The following ADARB2 variants were observed in gnomAD, a reference collection of about 807,000 sequenced individuals.
ADARB2 encodes the protein adenosine deaminase RNA specific B2 (inactive).
In ADARB2, 25 loss-of-function variants were observed where a neutral mutation model predicts 62.2. The observed-to-expected ratio is 0.40, with a 90% CI of 0.29 to 0.56. The LOEUF is 0.56. ADARB2 is among the 20% of genes least tolerant of loss of function. ADARB2 has a pLI of 0.43. For synonymous variants in ADARB2, 572 were observed against 500.8 expected (o/e 1.14, Z -1.90); for missense variants, 1,071 against 1,077.4 (o/e 0.99, Z 0.08).
intron 3 of ADARB2, among the ~76,000 whole-genome samples, chr10:1,348,418 C>T (rs934329439): frequency 8.5e-5 from 13 of 152,134 alleles, no homozygotes; most frequent in African/African-American, 2.2e-4. Flanking sequence ...TGTCAGGCGA[C>T]GCCTGAGCCC....
At position 1,532,974 on chromosome 10, in the gene ADARB2, G is replaced by A. The variant is rs188338735; in HGVS notation, c.101-153814C>T. Among the ~76,000 whole-genome samples the A allele has an allele frequency of 1.1e-4, 17 of 152,282 alleles. No individual in the cohort carries two copies. In the East Asian group the frequency reaches 3.3e-3, roughly 29 times the overall value. ...GACCCTGCCCTGAAATGAAGGGGAG[G>A]AACCGCATCCTGTGTGTTACTCCAG... On this transcript the variant is annotated intron_variant, in intron 1 of 9. Transcript: ENST00000381312.
At position 1,737,159 on chromosome 10, in the gene ADARB2, C is replaced by A. The variant is rs368491065; in HGVS notation, c.-9G>T. On this transcript the variant is annotated 5_prime_UTR_variant, in exon 1 of 10. Transcript: ENST00000381312. The stretch of plus-strand genomic sequence containing the variant: ...CCCAGGACCGAGGCCATGGCCGAGA[C>A]CCAGGCGCGGAGCCCAGAGCCGCCT... 206 of 1,604,592 alleles carry A rather than the reference C, an allele frequency of 1.3e-4. No individual in the cohort carries two copies. Among genetic ancestry groups the A allele is most frequent in the Non-Finnish European group, 1.7e-4 (201 of 1,179,784 alleles).
At chr10:1,520,027 G>A (rs978089098) in intron 1 of ADARB2, among the ~76,000 whole-genome samples, 4 of 152,188 alleles carry the variant, frequency 2.6e-5, no homozygotes, top group Non-Finnish European at 5.9e-5. Flanking sequence ...CTTCAGAAGA[G>A]GCTCTACTGA....
intron 4 of ADARB2, among the ~76,000 whole-genome samples, chr10:1,249,173 G>A (rs1257538141): frequency 6.6e-6 from 1 of 152,212 alleles, no homozygotes; most frequent in Non-Finnish European, 1.5e-5. Context: ...GGCACACAGT[G>A]GTTCACACCT....
chr10:1,183,691 G>T (rs1030334409), intron 9 of ADARB2, among the ~76,000 whole-genome samples: 2 of 152,224 alleles, frequency 1.3e-5, no homozygotes, highest in Non-Finnish European at 2.9e-5. Context: ...CATCACAGTG[G>T]GCAGGGAGCA....
At chr10:1,659,004 C>A (rs761831318) in intron 1 of ADARB2, among the ~76,000 whole-genome samples, 1 of 152,220 alleles carries the variant, frequency 6.6e-6, no homozygotes, top group Non-Finnish European at 1.5e-5. Context: ...TTGTGGTTAA[C>A]ATAAGCACTA....
Position 1,183,265 on chromosome 10 carries a change from G to A in ADARB2, c.2148C>T (p.Ala716=). 1 of 1,614,164 alleles carries A rather than the reference G, an allele frequency of 6.2e-7. No homozygotes were observed. Among genetic ancestry groups the A allele is most frequent in the Non-Finnish European group, 8.5e-7 (1 of 1,180,034 alleles). ...AGGTGCCCAGGCCAGCCTTCTGAAAGGCCTTGAACAGCTGCTGTTTCACAG... is the reference window on the plus strand; with the variant it reads ...AGGTGCCCAGGCCAGCCTTCTGAAAAGCCTTGAACAGCTGCTGTTTCACAG... ...YQSVKQQLFK[A]FQKAGLGTWV... The change falls in exon 10 of 10, where the codon GCC becomes GCT. Residue 716 remains alanine (A), a synonymous_variant. Coordinates refer to ENST00000381312, the MANE Select transcript of ADARB2 (RefSeq NM_018702.4).
intron 1 of ADARB2, among the ~76,000 whole-genome samples, chr10:1,594,302 A>G (rs1470664026): frequency 6.6e-6 from 1 of 152,118 alleles, no homozygotes; most frequent in African/African-American, 2.4e-5. Flanking sequence ...AAAGAAAATC[A>G]AAAAACAAAC....
At chr10:1,287,538 A>G (rs1831425257) in intron 3 of ADARB2, among the ~76,000 whole-genome samples, 1 of 152,178 alleles carries the variant, frequency 6.6e-6, no homozygotes, top group Non-Finnish European at 1.5e-5. Context: ...AGCCCCTGGT[A>G]ACTGCCTTTC....
intron 8 of ADARB2, among the ~76,000 whole-genome samples, chr10:1,191,430 A>G (rs1836844286): frequency 2.6e-5 from 4 of 152,146 alleles, no homozygotes; most frequent in Non-Finnish European, 5.9e-5. Context: ...GGGTGAGGAA[A>G]AAAGGTGTCC....
chr10:1,614,536 T>C (rs972561704), intron 1 of ADARB2, among the ~76,000 whole-genome samples: 9 of 152,186 alleles, frequency 5.9e-5, no homozygotes, highest in African/African-American at 2.2e-4. Flanking sequence ...TCCCATCCCA[T>C]ACAGAAAAAT....
At chr10:1,265,176 G>C (rs1831182233) in intron 4 of ADARB2, among the ~76,000 whole-genome samples, 1 of 152,202 alleles carries the variant, frequency 6.6e-6, no homozygotes, top group Admixed American at 6.5e-5. Context: ...CTTCATCTTC[G>C]TGTCTGCATT....
At chr10:1,719,012 G>T (rs1835056192) in intron 1 of ADARB2, among the ~76,000 whole-genome samples, 1 of 152,112 alleles carries the variant, frequency 6.6e-6, no homozygotes, top group African/African-American at 2.4e-5. Flanking sequence ...GACGGCTGGA[G>T]TGCAGTGGCG....
intron 1 of ADARB2, among the ~76,000 whole-genome samples, chr10:1,406,077 A>T (rs1832706122): frequency 6.6e-6 from 1 of 152,240 alleles, no homozygotes; most frequent in East Asian, 1.9e-4. Flanking sequence ...ACACCTGTTT[A>T]TTACACCCTT....
chr10:1,303,683 G>A (rs191474486), intron 3 of ADARB2, among the ~76,000 whole-genome samples: 10,898 of 152,204 alleles, frequency 0.072, 541 homozygotes, highest in Non-Finnish European at 0.1. Context: ...TGATCTCTCG[G>A]CAGAAACCCT....
intron 1 of ADARB2, among the ~76,000 whole-genome samples, chr10:1,706,145 C>T (rs1319553899): frequency 6.6e-6 from 1 of 152,204 alleles, no homozygotes; most frequent in African/African-American, 2.4e-5. Context: ...ACAGAATCAG[C>T]TGTGTGCTCA....
intron 1 of ADARB2, among the ~76,000 whole-genome samples, chr10:1,454,007 T>C (rs926130532): frequency 6.6e-6 from 1 of 152,228 alleles, no homozygotes; most frequent in South Asian, 2.1e-4. Flanking sequence ...CTCATGCTGC[T>C]AATAAAGACA....
intron 1 of ADARB2, among the ~76,000 whole-genome samples, chr10:1,551,105 A>G (rs573839708): frequency 2.0e-5 from 3 of 152,330 alleles, no homozygotes; most frequent in Admixed American, 1.3e-4. Flanking sequence ...ACCCTGGTCC[A>G]ACCTGCCTGG....
intron 3 of ADARB2, among the ~76,000 whole-genome samples, chr10:1,350,645 T>C (rs1832127359): frequency 6.6e-6 from 1 of 152,184 alleles, no homozygotes; most frequent in African/African-American, 2.4e-5. Flanking sequence ...TTTCATCAAA[T>C]ATAAAAATCC....
Sources: allele counts gnomAD v4.1 joint callset (sites outside exome capture counted in the v4.1 genomes callset), GRCh38; gene constraint gnomAD v4.1.1; transcripts MANE v1.5; gene names NCBI Gene and HGNC (gene_info 2026-07-23, HGNC 2026-07-21).